PLEKHA6: variants seen among roughly 807,000 people sequenced by gnomAD.
The protein encoded by PLEKHA6 is pleckstrin homology domain-containing family A member 6.
In PLEKHA6, 60 loss-of-function variants were observed where a neutral mutation model predicts 116.7. The observed-to-expected ratio is 0.51, with a 90% confidence interval of 0.42 to 0.64. The LOEUF (loss-of-function observed/expected upper bound fraction) is 0.64, where lower values mean the gene tolerates loss of function less well. PLEKHA6 is among the 30% of genes least tolerant of loss of function. PLEKHA6 has a pLI of 0.00. For synonymous variants in PLEKHA6, 489 were observed against 556.1 expected, an observed-to-expected ratio of 0.88 and a Z score of 1.70; for missense variants, 1,338 against 1,422.7, an observed-to-expected ratio of 0.94 and a Z score of 0.96.
intron 1 of PLEKHA6, among the ~76,000 whole-genome samples, chr1:204,333,221 T>G (rs546194928): frequency 1.3e-5 from 2 of 152,266 alleles, no homozygotes; most frequent in South Asian, 4.1e-4. Flanking sequence ...CAGGGAGGAA[T>G]GATCTGGCCC....
At chr1:204,302,272 T>C (rs1047706120) in intron 1 of PLEKHA6, among the ~76,000 whole-genome samples, 2 of 151,970 alleles carry the variant, frequency 1.3e-5, no homozygotes, top group Non-Finnish European at 2.9e-5. Context: ...GGCCCTGGAG[T>C]CCAGGTATTG....
intron 21 of PLEKHA6, among the ~76,000 whole-genome samples, chr1:204,224,909 A>G (rs1485509239): frequency 6.6e-6 from 1 of 152,250 alleles, no homozygotes; most frequent in African/African-American, 2.4e-5. Flanking sequence ...AGATATCTCC[A>G]GGAAGCCAAC....
At chr1:204,250,039 C>T (rs1664318194) in intron 10 of PLEKHA6, among the ~76,000 whole-genome samples, 1 of 152,202 alleles carries the variant, frequency 6.6e-6, no homozygotes, top group Non-Finnish European at 1.5e-5. Flanking sequence ...CCTGGCAGAA[C>T]CTATTATGGC....
At chr1:204,267,401 G>T in intron 5 of PLEKHA6, 74 bp downstream of exon 5, 1 of 1,333,778 alleles carries the variant, frequency 7.5e-7, no homozygotes, top group Non-Finnish European at 1.1e-6. Flanking sequence ...CCAAGCTCGG[G>T]GATATGGCAG....
chr1:204,281,524 C>CA (rs1239634694), intron 1 of PLEKHA6, among the ~76,000 whole-genome samples: 4 of 141,120 alleles, frequency 2.8e-5, no homozygotes, highest in Admixed American at 1.4e-4. Context: ...GATTCCGTCT[C>CA]AAAAAAACAA....
At chr1:204,275,354 C>A (rs998683596) in intron 1 of PLEKHA6, among the ~76,000 whole-genome samples, 1 of 152,146 alleles carries the variant, frequency 6.6e-6, no homozygotes, top group Non-Finnish European at 1.5e-5. Flanking sequence ...CCACCCACAC[C>A]CTAAGTCCAG....
intron 12 of PLEKHA6, among the ~76,000 whole-genome samples, chr1:204,248,450 A>G (rs1664084964): frequency 6.6e-6 from 1 of 152,190 alleles, no homozygotes; most frequent in Admixed American, 6.5e-5. Flanking sequence ...CACTGAGGCC[A>G]GCTGGCAGCA....
intron 1 of PLEKHA6, among the ~76,000 whole-genome samples, chr1:204,278,650 T>G (rs72749796): frequency 0.046 from 6,991 of 152,334 alleles, 223 homozygotes; most frequent in Middle Eastern, 0.13. Flanking sequence ...GCTGCTGATA[T>G]TTAAACAGCT....
chr1:204,364,201 A>G (rs1375095863), upstream of PLEKHA6, among the ~76,000 whole-genome samples: 2 of 152,318 alleles, frequency 1.3e-5, no homozygotes, highest in East Asian at 3.9e-4. Context: ...TTGAGTTTCT[A>G]ACTCATCCAC....
At position 204,259,715 on chromosome 1, in the gene PLEKHA6, C is replaced by T. The variant is rs55644825; in HGVS notation, c.550G>A (p.Val184Ile). The T allele has an allele frequency of 4.4e-3, 7,110 of 1,612,116 alleles. 25 individuals are homozygous for T. Among genetic ancestry groups the T allele is most frequent in the Non-Finnish European group, 5.5e-3 (6,431 of 1,178,846 alleles). Residue 184 changes from valine to isoleucine, a missense_variant, in exon 8 of 23, where the codon GTC becomes ATC. This residue lies in a region of PLEKHA6 where 140 missense variants were observed against 197.4 expected (regional missense o/e 0.71). Transcript: ENST00000272203. This position sits in a 1 kb window ranked among gnomAD's most constrained non-coding sequence, Gnocchi z 4.6. Reference protein sequence around the residue: ...HSHEKPDSENVPPSKHHQQPP... With the variant: ...HSHEKPDSENIPPSKHHQQPP... ...TGCTGGTGGTGCTTGCTGGGTGGGA[C>T]GTTCTCCGAGTCTGGCTTCTCATGG... is the stretch of plus-strand genomic sequence containing the variant.
At chr1:204,326,611 C>T (rs112722632) in intron 1 of PLEKHA6, among the ~76,000 whole-genome samples, 2 of 152,182 alleles carry the variant, frequency 1.3e-5, no homozygotes, top group Admixed American at 1.3e-4. Context: ...GGTGATAGAT[C>T]ATTGAGCCTT....
intron 1 of PLEKHA6, among the ~76,000 whole-genome samples, chr1:204,357,977 C>T (rs1362577187): frequency 6.6e-6 from 1 of 152,208 alleles, no homozygotes; most frequent in African/African-American, 2.4e-5. Flanking sequence ...TCCAGGCAGA[C>T]ACATTCAAAG....
chr1:204,284,751 G>C (rs548361604), intron 1 of PLEKHA6, among the ~76,000 whole-genome samples: 18 of 152,268 alleles, frequency 1.2e-4, no homozygotes, highest in African/African-American at 4.3e-4. Context: ...AAAGGGTAAG[G>C]CCGGTGGTCT....
chr1:204,318,663 A>G (rs946352549), intron 1 of PLEKHA6, among the ~76,000 whole-genome samples: 6 of 152,198 alleles, frequency 3.9e-5, no homozygotes, highest in Non-Finnish European at 8.8e-5. Flanking sequence ...TCACAATATA[A>G]AGTCCAGAGC....
chr1:204,256,717 T>C (rs542600268), intron 9 of PLEKHA6: 40 of 462,888 alleles, frequency 8.6e-5, no homozygotes, highest in African/African-American at 7.5e-4. Context: ...AGAGCGTCCC[T>C]GGAGTCCGCC....
chr1:204,224,196 T>C (rs2102367579), intron 21 of PLEKHA6, among the ~76,000 whole-genome samples: 1 of 152,244 alleles, frequency 6.6e-6, no homozygotes, highest in Non-Finnish European at 1.5e-5. Flanking sequence ...GGTCCACCCC[T>C]GAGCAAATCG....
rs1666077156 is a variant in PLEKHA6, at chr1:204,261,246, T to G, written c.524+60A>C. On this transcript the variant is annotated intron_variant, in intron 7 of 22. Transcript: ENST00000272203. The surrounding 1 kb of genome is among the most constrained non-coding windows in gnomAD (Gnocchi z 4.0). ...ATTAGCAATGGCCCAGAGCTGGGTG[T>G]GTCTTCCATTCCCCTCTTTATTCTT... 4 of 1,588,816 alleles carry G rather than the reference T, an allele frequency of 2.5e-6. No individual in the cohort carries two copies. The East Asian group carries it at 8.9e-5, about 35-fold the overall frequency.
At chr1:204,294,727 C>T (rs1670102778) in intron 1 of PLEKHA6, among the ~76,000 whole-genome samples, 1 of 152,200 alleles carries the variant, frequency 6.6e-6, no homozygotes, top group Non-Finnish European at 1.5e-5. Context: ...GAAACTTAAC[C>T]TCTCTGTGCT....
intron 1 of PLEKHA6, among the ~76,000 whole-genome samples, chr1:204,356,030 G>A (rs1028948450): frequency 3.9e-5 from 6 of 151,970 alleles, no homozygotes; most frequent in East Asian, 1.9e-4. Context: ...ACACAGCTGC[G>A]AGGAATGTAA....
Sources: allele counts gnomAD v4.1 joint callset (sites outside exome capture counted in the v4.1 genomes callset), GRCh38; gene constraint gnomAD v4.1.1; regional missense constraint gnomAD v4.1.1; non-coding constraint Gnocchi (gnomAD v3.1); transcripts MANE v1.5; gene names NCBI Gene and HGNC (gene_info 2026-07-23, HGNC 2026-07-21).